B3GAT2: variants seen among roughly 807,000 people sequenced by gnomAD.
B3GAT2 encodes the protein galactosylgalactosylxylosylprotein 3-beta-glucuronosyltransferase 2.
In B3GAT2, 26 loss-of-function variants were observed where a neutral mutation model predicts 27.8. The observed-to-expected ratio is 0.93, with a 90% CI of 0.68 to 1.30. B3GAT2 has a LOEUF of 1.30. B3GAT2 is among the 50% of genes most tolerant of loss of function. The pLI is 0.00. For missense variants in B3GAT2, 458 were observed against 459.0 expected (o/e 1.00, Z 0.02); for synonymous variants, 218 against 195.1 (o/e 1.12, Z -0.98).
intron 1 of B3GAT2, among the ~76,000 whole-genome samples, chr6:70,920,333 C>T (rs1206533869): frequency 1.3e-5 from 2 of 152,230 alleles, no homozygotes; most frequent in Non-Finnish European, 2.9e-5. Flanking sequence ...TCACTCATGG[C>T]TTCCCTTGGA....
chr6:70,902,625 T>TATATATATAC (rs1460402896), intron 1 of B3GAT2, among the ~76,000 whole-genome samples: 2 of 103,480 alleles, frequency 1.9e-5, no homozygotes, highest in Non-Finnish European at 4.1e-5. Context: ...GGGATATATA[T>TATATATATAC]ATATATATAT....
chr6:70,903,935 A>G (rs954556378), intron 1 of B3GAT2, among the ~76,000 whole-genome samples: 1 of 152,206 alleles, frequency 6.6e-6, no homozygotes, highest in Non-Finnish European at 1.5e-5. Flanking sequence ...CTTGTGCCTG[A>G]ATGTTCAAAC....
At chr6:70,914,952 A>T (rs936394703) in intron 1 of B3GAT2, among the ~76,000 whole-genome samples, 5 of 152,140 alleles carry the variant, frequency 3.3e-5, no homozygotes, top group African/African-American at 1.2e-4. Flanking sequence ...AATGGTATTT[A>T]TAGTTGTAGA....
intron 1 of B3GAT2, among the ~76,000 whole-genome samples, chr6:70,933,410 A>C (rs1773090990): frequency 6.6e-6 from 1 of 152,224 alleles, no homozygotes; most frequent in Non-Finnish European, 1.5e-5. Flanking sequence ...ATAAATTTTC[A>C]TTAATGAAAA....
At chr6:70,935,764 G>C (rs1765262536) in intron 1 of B3GAT2, among the ~76,000 whole-genome samples, 1 of 152,110 alleles carries the variant, frequency 6.6e-6, no homozygotes, top group Non-Finnish European at 1.5e-5. Context: ...ACTAAACATG[G>C]AAAGGCACAA....
At chr6:70,905,522 T>C (rs1417436057) in intron 1 of B3GAT2, among the ~76,000 whole-genome samples, 1 of 152,264 alleles carries the variant, frequency 6.6e-6, no homozygotes, top group African/African-American at 2.4e-5. Flanking sequence ...TGTACTCCGA[T>C]AACCTACGTT....
At chr6:70,927,823 G>C (rs1413677729) in intron 1 of B3GAT2, among the ~76,000 whole-genome samples, 1 of 152,142 alleles carries the variant, frequency 6.6e-6, no homozygotes. Context: ...ACTCAGCTCT[G>C]CACCAAGTGG....
At chr6:70,914,286 C>G (rs909451043) in intron 1 of B3GAT2, among the ~76,000 whole-genome samples, 5 of 152,114 alleles carry the variant, frequency 3.3e-5, no homozygotes, top group Admixed American at 2.6e-4. Flanking sequence ...TCCCCCAGTC[C>G]CCCACCCTCT....
chr6:70,868,763 A>G (rs74396621), intron 2 of B3GAT2, among the ~76,000 whole-genome samples: 34 of 152,274 alleles, frequency 2.2e-4, no homozygotes, highest in African/African-American at 8.2e-4. Flanking sequence ...TTCAACTTTC[A>G]TATTAAAAAG....
intron 1 of B3GAT2, among the ~76,000 whole-genome samples, chr6:70,904,919 G>T (rs1314850221): frequency 6.6e-6 from 1 of 152,008 alleles, no homozygotes; most frequent in Non-Finnish European, 1.5e-5. Flanking sequence ...GTCAAGTTTG[G>T]CATCACCATA....
intron 1 of B3GAT2, among the ~76,000 whole-genome samples, chr6:70,897,493 C>A (rs566511215): frequency 1.3e-4 from 19 of 151,794 alleles, no homozygotes; most frequent in African/African-American, 4.6e-4. Flanking sequence ...TTCCAGCACA[C>A]TTTGGGAGGT....
At chr6:70,910,250 G>T (rs1772669005) in intron 1 of B3GAT2, among the ~76,000 whole-genome samples, 1 of 151,990 alleles carries the variant, frequency 6.6e-6, no homozygotes, top group African/African-American at 2.4e-5. Flanking sequence ...GCATGTTGTG[G>T]GGGTTTGGTG....
chr6:70,864,594 G>A (rs1291535398), intron 2 of B3GAT2, among the ~76,000 whole-genome samples: 1 of 152,146 alleles, frequency 6.6e-6, no homozygotes, highest in East Asian at 1.9e-4. Context: ...ATCAGCTAAC[G>A]CAATTTCCTT....
chr6:70,935,563 A>G (rs1765256865), intron 1 of B3GAT2, among the ~76,000 whole-genome samples: 1 of 152,158 alleles, frequency 6.6e-6, no homozygotes, highest in African/African-American at 2.4e-5. Context: ...ATATTTATAG[A>G]TCTACTGGAT....
Position 70,956,982 on chromosome 6 carries a change from C to T in B3GAT2, c.-553G>A. 2 of 998,608 alleles carry T rather than the reference C, an allele frequency of 2.0e-6. No individual in the cohort carries two copies. Among genetic ancestry groups the T allele is most frequent in the Non-Finnish European group, 2.4e-6 (2 of 839,228 alleles). The allele number at this position is 998,608 out of a possible 1,614,324, so 61.9% of individuals were successfully genotyped here. A position where few individuals can be genotyped will look rare whatever the true frequency, so the allele number is the denominator to read the frequency against. On this transcript the variant is annotated 5_prime_UTR_variant, in exon 1 of 4. Coordinates refer to ENST00000230053, the MANE Select transcript of B3GAT2 (RefSeq NM_080742.3). The stretch of plus-strand genomic sequence containing the variant: ...GGAGACGCTGGGGGTTGTGTCCCGG[C>T]TGTGTTCGCGCGCCGCAGCGGAAGC...
chr6:70,868,965 T>C lies in B3GAT2; in HGVS notation c.737-6987A>G, dbSNP rs368574178. Among the ~76,000 whole-genome samples, 14 of 152,334 alleles carry C rather than the reference T, an allele frequency of 9.2e-5. No homozygotes were observed. The East Asian group carries it at 2.3e-3, about 25-fold the overall frequency. The stretch of plus-strand genomic sequence containing the variant: ...CTTATTGAGATATAATTCACATATA[T>C]TAAAACTTGTCCTTTTATATGGTAT... On this transcript the variant is annotated intron_variant, in intron 2 of 3. Coordinates refer to ENST00000230053, the MANE Select transcript of B3GAT2 (RefSeq NM_080742.3).
chr6:70,935,012 A>G (rs1310599315), intron 1 of B3GAT2, among the ~76,000 whole-genome samples: 1 of 152,232 alleles, frequency 6.6e-6, no homozygotes, highest in Non-Finnish European at 1.5e-5. Context: ...CCACAGGATT[A>G]TAAAACTTTA....
intron 1 of B3GAT2, among the ~76,000 whole-genome samples, chr6:70,949,271 C>G (rs1765540481): frequency 6.6e-6 from 1 of 151,958 alleles, no homozygotes. Context: ...AACAGGCAAC[C>G]TACAAAATGG....
chr6:70,952,821 A>C (rs1208619439), intron 1 of B3GAT2, among the ~76,000 whole-genome samples: 1 of 152,214 alleles, frequency 6.6e-6, no homozygotes, highest in African/African-American at 2.4e-5. Context: ...TTTCCTGGCA[A>C]TGCAGATCAG....
Sources: allele counts gnomAD v4.1 joint callset (sites outside exome capture counted in the v4.1 genomes callset), GRCh38; gene constraint gnomAD v4.1.1; transcripts MANE v1.5; gene names NCBI Gene and HGNC (gene_info 2026-07-23, HGNC 2026-07-21).